Variants in LTBP1 observed in about 807,000 individuals in gnomAD.
LTBP1 encodes the protein latent-transforming growth factor beta-binding protein 1.
In LTBP1, 129 loss-of-function variants were observed where a neutral mutation model predicts 207.6. The observed-to-expected ratio is 0.62, with a 90% confidence interval of 0.54 to 0.72. The LOEUF (loss-of-function observed/expected upper bound fraction) is 0.72, where lower values mean the gene tolerates loss of function less well. Among genes scored for constraint, LTBP1 ranks in the 30% least tolerant of loss-of-function variants. The probability of loss-of-function intolerance (pLI) is 0.00; values close to 1 mark genes in which losing one functional copy is unlikely to be tolerated. For missense variants in LTBP1, 2,281 were observed against 2,217.2 expected, an observed-to-expected ratio of 1.03 and a Z score of -0.58; for synonymous variants, 963 against 833.7, an observed-to-expected ratio of 1.16 and a Z score of -2.67.
intron 8 of LTBP1, among the ~76,000 whole-genome samples, chr2:33,218,943 C>A (rs2090907113): frequency 6.6e-6 from 1 of 152,068 alleles, no homozygotes; most frequent in Non-Finnish European, 1.5e-5. Flanking sequence ...GCCTTTTAAA[C>A]CTCTATATTC....
intron 24 of LTBP1, among the ~76,000 whole-genome samples, chr2:33,328,607 T>G (rs762354434): frequency 6.6e-6 from 1 of 152,160 alleles, no homozygotes; most frequent in Non-Finnish European, 1.5e-5. Context: ...CTCATGAGAC[T>G]TACTCACTAT....
intron 5 of LTBP1, among the ~76,000 whole-genome samples, chr2:33,178,353 A>G (rs1256746968): frequency 1.3e-5 from 2 of 152,184 alleles, no homozygotes; most frequent in African/African-American, 4.8e-5. Flanking sequence ...AGATCAAAAT[A>G]GATAGCGCAC....
chr2:33,386,740 G>A (rs1178311341), intron 31 of LTBP1, among the ~76,000 whole-genome samples: 2 of 151,968 alleles, frequency 1.3e-5, no homozygotes, highest in African/African-American at 2.4e-5. Flanking sequence ...TGAAAGGATC[G>A]CTTGAGCCCA....
At chr2:33,029,348 G>A (rs898934914) in intron 3 of LTBP1, among the ~76,000 whole-genome samples, 3 of 152,074 alleles carry the variant, frequency 2.0e-5, no homozygotes, top group Non-Finnish European at 2.9e-5. Context: ...GTGGTGATGC[G>A]TGCCTGTAAT....
chr2:33,173,537 C>T lies in LTBP1; in HGVS notation c.1202-13319C>T, dbSNP rs910564585. On this transcript the variant is annotated intron_variant, in intron 5 of 33. Coordinates refer to ENST00000404816, the MANE Select transcript of LTBP1 (RefSeq NM_206943.4). Reference sequence around the variant, plus strand: ...ACTAGCTTACCAACCAAAAAGAGTCCAGGACCAGATGGATTCACAGCCGAA... The same window carrying T: ...ACTAGCTTACCAACCAAAAAGAGTCTAGGACCAGATGGATTCACAGCCGAA... Among the ~76,000 whole-genome samples the T allele has an allele frequency of 1.3e-3, 198 of 152,138 alleles. 3 individuals are homozygous for T. Among genetic ancestry groups the T allele is most frequent in the African/African-American group, 4.6e-3 (192 of 41,530 alleles).
chr2:33,241,076 C>T (rs2092306064), intron 9 of LTBP1, among the ~76,000 whole-genome samples: 1 of 152,108 alleles, frequency 6.6e-6, no homozygotes, highest in Admixed American at 6.5e-5. Flanking sequence ...AAACAGAAAT[C>T]TAATCTCTAA....
chr2:33,203,144 G>C (rs1431920379), intron 7 of LTBP1, among the ~76,000 whole-genome samples: 2 of 152,232 alleles, frequency 1.3e-5, no homozygotes, highest in African/African-American at 4.8e-5. Flanking sequence ...ACAGCTGAAG[G>C]TATCACTGAA....
chr2:33,363,586 T>G, intron 29 of LTBP1, 68 bp downstream of exon 29: 1 of 1,482,074 alleles, frequency 6.7e-7, no homozygotes. Context: ...AACTATGCTA[T>G]GTAGTAAAAA....
chr2:33,147,063 A>C (rs2083113436), intron 5 of LTBP1, among the ~76,000 whole-genome samples: 1 of 152,198 alleles, frequency 6.6e-6, no homozygotes, highest in Non-Finnish European at 1.5e-5. Flanking sequence ...AGTAACTCAG[A>C]AATGTGACTT....
chr2:33,108,763 C>T (rs1033771705), intron 3 of LTBP1, among the ~76,000 whole-genome samples: 7 of 152,048 alleles, frequency 4.6e-5, no homozygotes, highest in African/African-American at 1.2e-4. Context: ...AAATTGCTTC[C>T]GAGATGCGGA....
chr2:33,382,125 C>T (rs1373862193), intron 31 of LTBP1, among the ~76,000 whole-genome samples: 3 of 101,352 alleles, frequency 3.0e-5, no homozygotes, highest in East Asian at 3.2e-4. Flanking sequence ...GACAGAGTCT[C>T]GCTCTGTTGC....
chr2:33,085,629 A>T (rs1463645199), intron 3 of LTBP1, among the ~76,000 whole-genome samples: 10 of 152,144 alleles, frequency 6.6e-5, no homozygotes, highest in Non-Finnish European at 8.8e-5. Context: ...TGACACATTT[A>T]TTATTATCCT....
intron 15 of LTBP1, among the ~76,000 whole-genome samples, chr2:33,264,689 C>T (rs2093125320): frequency 6.6e-6 from 1 of 152,130 alleles, no homozygotes; most frequent in Non-Finnish European, 1.5e-5. Context: ...ATACCTTATT[C>T]CTATCAAATT....
chr2:33,299,902 G>A (rs993279451), intron 20 of LTBP1, among the ~76,000 whole-genome samples: 1 of 152,186 alleles, frequency 6.6e-6, no homozygotes, highest in Non-Finnish European at 1.5e-5. Flanking sequence ...GTATTCAGCA[G>A]TCATCATAAT....
chr2:32,985,098 G>C (rs1683339321), intron 2 of LTBP1, among the ~76,000 whole-genome samples: 1 of 152,136 alleles, frequency 6.6e-6, no homozygotes. Flanking sequence ...TTTTAATATT[G>C]CTAAACTAGG....
At chr2:33,207,678 G>T (rs1398838041) in intron 7 of LTBP1, among the ~76,000 whole-genome samples, 1 of 152,106 alleles carries the variant, frequency 6.6e-6, no homozygotes, top group Non-Finnish European at 1.5e-5. Flanking sequence ...TTATAACAAC[G>T]ACCCTTAGAA....
chr2:33,324,300 T>G (rs1456755138), intron 24 of LTBP1, among the ~76,000 whole-genome samples: 1 of 152,038 alleles, frequency 6.6e-6, no homozygotes, highest in Non-Finnish European at 1.5e-5. Context: ...TGTTATAATT[T>G]TAATTATAAT....
chr2:33,357,664 C>T (rs965776748), intron 26 of LTBP1, among the ~76,000 whole-genome samples: 1 of 152,112 alleles, frequency 6.6e-6, no homozygotes, highest in Non-Finnish European at 1.5e-5. Context: ...CCGGCCACAC[C>T]TCTAGAATAA....
rs942338699 is a variant in LTBP1 at position 33,398,636 on chromosome 2, C to T, written c.*91C>T. The stretch of plus-strand genomic sequence containing the variant: ...TATACTTGAGACATTGCACCTACCC[C>T]GGAAGGCTGGAAATACAGAAACAGC... On this transcript the variant is annotated 3_prime_UTR_variant, in exon 34 of 34. Transcript: ENST00000404816. 25 of 1,266,678 alleles carry T rather than the reference C, an allele frequency of 2.0e-5. No individual in the cohort carries two copies. The South Asian group carries it at 3.3e-4, about 17-fold the overall frequency. The allele number at this position is 1,266,678 out of a possible 1,614,324, so 78.5% of individuals were successfully genotyped here.
Sources: allele counts gnomAD v4.1 joint callset (sites outside exome capture counted in the v4.1 genomes callset), GRCh38; gene constraint gnomAD v4.1.1; transcripts MANE v1.5; gene names NCBI Gene and HGNC (gene_info 2026-07-23, HGNC 2026-07-21).